EPHA6: variants seen among roughly 807,000 people sequenced by gnomAD.
The protein encoded by EPHA6 is EPH receptor A6.
In EPHA6, 50 loss-of-function variants were observed where a neutral mutation model predicts 112.0. The ratio of observed to expected loss-of-function variants is 0.45; its 90% CI spans 0.36 to 0.56. The LOEUF (loss-of-function observed/expected upper bound fraction) is 0.56. Ranked by LOEUF, EPHA6 falls within the 20% of genes least tolerant of loss-of-function variation. EPHA6 has a pLI of 0.00. For synonymous variants in EPHA6, 529 were observed against 490.7 expected (o/e 1.08, Z -1.03); for missense variants, 1,280 against 1,417.4 (o/e 0.90, Z 1.56).
At chr3:97,276,026 A>G (rs1235881024) in intron 5 of EPHA6, among the ~76,000 whole-genome samples, 1 of 152,158 alleles carries the variant, frequency 6.6e-6, no homozygotes, top group Non-Finnish European at 1.5e-5. Context: ...TTGGCAGCAG[A>G]GTTGGGGAGT....
At chr3:97,098,095 A>T (rs1202493253) in intron 3 of EPHA6, among the ~76,000 whole-genome samples, 1 of 151,938 alleles carries the variant, frequency 6.6e-6, no homozygotes, top group African/African-American at 2.4e-5. Flanking sequence ...CATATGTTGG[A>T]ATTAACAAAG....
At chr3:97,079,259 T>C (rs549950751) in intron 3 of EPHA6, among the ~76,000 whole-genome samples, 1 of 152,222 alleles carries the variant, frequency 6.6e-6, no homozygotes, top group East Asian at 1.9e-4. Context: ...CATGGGATAC[T>C]GTACAGCCAT....
At chr3:96,896,446 A>G (rs1248194176) in intron 2 of EPHA6, among the ~76,000 whole-genome samples, 2 of 152,100 alleles carry the variant, frequency 1.3e-5, no homozygotes, top group African/African-American at 2.4e-5. Context: ...AAAGTGGGCA[A>G]TGAAATGGTG....
intron 11 of EPHA6, among the ~76,000 whole-genome samples, chr3:97,581,667 C>T (rs1245021849): frequency 6.6e-6 from 1 of 152,226 alleles, no homozygotes; most frequent in East Asian, 1.9e-4. Context: ...AAAATGAGAA[C>T]TGAGGCTCGG....
intron 3 of EPHA6, among the ~76,000 whole-genome samples, chr3:97,196,849 G>C (rs1303717164): frequency 6.6e-6 from 1 of 151,856 alleles, no homozygotes; most frequent in African/African-American, 2.4e-5. Context: ...CTCTCTTCAT[G>C]ATGAGTTTCC....
At chr3:97,388,304 A>G (rs992371756) in intron 5 of EPHA6, among the ~76,000 whole-genome samples, 7 of 152,136 alleles carry the variant, frequency 4.6e-5, no homozygotes, top group Non-Finnish European at 1.0e-4. Flanking sequence ...GTTGGAGAAG[A>G]AAACTTTTTT....
chr3:97,599,030 T>G (rs1576022848), intron 12 of EPHA6, among the ~76,000 whole-genome samples: 1 of 151,116 alleles, frequency 6.6e-6, no homozygotes, highest in Admixed American at 6.6e-5. Flanking sequence ...TGATGAGCAT[T>G]TTTTCATGTG....
At chr3:96,983,206 A>C (rs1173162784) in intron 2 of EPHA6, among the ~76,000 whole-genome samples, 2 of 151,924 alleles carry the variant, frequency 1.3e-5, no homozygotes, top group African/African-American at 4.8e-5. Flanking sequence ...GTTCCTTTCT[A>C]TGTTTAGTGC....
Position 97,625,711 on chromosome 3 carries a change from G to T in EPHA6, c.2575-12162G>T, listed in dbSNP as rs547412986. On this transcript the variant is annotated intron_variant, in intron 13 of 17. Coordinates refer to ENST00000389672, the MANE Select transcript of EPHA6 (RefSeq NM_001080448.3). ...TCTGTTGTTACTTATGTTAATGTTT[G>T]TAATTGTTGTATCTTAAAATCAAGG... Among the ~76,000 whole-genome samples the T allele has an allele frequency of 4.0e-5, 6 of 151,580 alleles. No homozygotes were observed. In the East Asian group the frequency reaches 7.8e-4, roughly 20 times the overall value.
At chr3:96,897,509 G>A (rs765600379) in intron 2 of EPHA6, among the ~76,000 whole-genome samples, 4 of 152,206 alleles carry the variant, frequency 2.6e-5, no homozygotes, top group South Asian at 2.1e-4. Context: ...AGGCTGAGTC[G>A]TCTGTTCAGA....
rs1277395282 is a variant in EPHA6 at position 97,434,914 on chromosome 3, T to C, written c.1732-13654T>C. ...TTCCCACCCTCCCTACCCCTTATTCTTGCCATCTCCATCTTTCTAAGGCTC... is the reference window on the plus strand; with the variant it reads ...TTCCCACCCTCCCTACCCCTTATTCCTGCCATCTCCATCTTTCTAAGGCTC... On this transcript the variant is annotated intron_variant, in intron 6 of 17. Transcript: ENST00000389672. Among the ~76,000 whole-genome samples, 3 of 142,582 alleles carry C rather than the reference T, an allele frequency of 2.1e-5. No individual in the cohort carries two copies. In the East Asian group the frequency reaches 7.2e-4, roughly 34 times the overall value. The allele number at this position is 142,582 out of a possible 152,430, so 93.5% of individuals were successfully genotyped here. A position where few individuals can be genotyped will look rare whatever the true frequency, so the allele number is the denominator to read the frequency against.
At chr3:97,286,993 G>T (rs1576848273) in intron 5 of EPHA6, among the ~76,000 whole-genome samples, 2 of 147,766 alleles carry the variant, frequency 1.4e-5, no homozygotes, top group Non-Finnish European at 3.0e-5. Flanking sequence ...TTGTTTTTAT[G>T]CAGCTGTTAA....
intron 2 of EPHA6, among the ~76,000 whole-genome samples, chr3:96,921,071 C>G (rs985106614): frequency 6.6e-6 from 1 of 151,966 alleles, no homozygotes; most frequent in African/African-American, 2.4e-5. Flanking sequence ...AGACCAATTA[C>G]ATTATACTTT....
intron 5 of EPHA6, among the ~76,000 whole-genome samples, chr3:97,314,621 A>G (rs1251134021): frequency 6.6e-6 from 1 of 151,742 alleles, no homozygotes; most frequent in Non-Finnish European, 1.5e-5. Flanking sequence ...CAAATACAAG[A>G]CAGGTAACAT....
chr3:97,270,607 C>A (rs558992356), intron 5 of EPHA6, among the ~76,000 whole-genome samples: 28 of 152,326 alleles, frequency 1.8e-4, no homozygotes, highest in African/African-American at 6.7e-4. Context: ...GATAAGGTTT[C>A]AAAGCTTCAT....
chr3:97,039,888 A>G (rs1381174638), intron 3 of EPHA6, among the ~76,000 whole-genome samples: 3 of 151,968 alleles, frequency 2.0e-5, no homozygotes, highest in African/African-American at 4.8e-5. Context: ...CGTAACCTTT[A>G]TACTACTAAG....
intron 2 of EPHA6, among the ~76,000 whole-genome samples, chr3:96,870,068 G>T (rs1015843549): frequency 6.6e-6 from 1 of 152,064 alleles, no homozygotes; most frequent in Admixed American, 6.6e-5. Context: ...AATACTTCAT[G>T]TATTGGTCAT....
chr3:96,999,235 T>C (rs1164794831), intron 3 of EPHA6, among the ~76,000 whole-genome samples: 1 of 151,912 alleles, frequency 6.6e-6, no homozygotes, highest in Non-Finnish European at 1.5e-5. Flanking sequence ...GTTTTTTTAT[T>C]TGAAAAGTTT....
At chr3:97,426,810 A>T (rs1216580081) in intron 6 of EPHA6, among the ~76,000 whole-genome samples, 29 of 152,336 alleles carry the variant, frequency 1.9e-4, no homozygotes, top group Admixed American at 1.9e-3. Flanking sequence ...ACAAAGGTCT[A>T]ATATCTAGAA....
Sources: gnomAD v4.1 joint callset for allele counts (sites outside exome capture counted in the v4.1 genomes callset) on GRCh38, gnomAD v4.1.1 for gene constraint, MANE v1.5 for transcripts, NCBI Gene and HGNC (gene_info 2026-07-23, HGNC 2026-07-21) for gene names.